HAP1: variants seen among roughly 807,000 people sequenced by gnomAD.
HAP1 encodes huntingtin-associated protein 1.
A neutral mutation model predicts 60.3 loss-of-function variants in HAP1; 59 were observed. The ratio of observed to expected loss-of-function variants is 0.98; its 90% CI spans 0.79 to 1.22. The LOEUF (loss-of-function observed/expected upper bound fraction) is 1.22. HAP1 is among the 50% of genes most tolerant of loss of function. The pLI, the probability that HAP1 is intolerant of heterozygous loss-of-function variation, is 0.00. For synonymous variants in HAP1, 346 were observed against 330.6 expected (o/e 1.05, Z -0.50); for missense variants, 825 against 785.3 (o/e 1.05, Z -0.60).
At position 41,723,687 on chromosome 17, in the gene HAP1, G is replaced by A. The variant is rs1349980589; in HGVS notation, c.*1014C>T. On this transcript the variant is annotated 3_prime_UTR_variant, in exon 11 of 11. Coordinates refer to ENST00000347901, the MANE Select transcript of HAP1 (RefSeq NM_177977.3). ...GGTTGCCCCCTGCATGCGCCATAAAGGTCATGGTTCAGTTTATAACCTGCA... is the reference window on the plus strand; with the variant it reads ...GGTTGCCCCCTGCATGCGCCATAAAAGTCATGGTTCAGTTTATAACCTGCA... 6.6e-6 allele frequency: 1 copy of A among 152,614 alleles called. No homozygotes were observed. Among genetic ancestry groups the A allele is most frequent in the Non-Finnish European group, 1.5e-5 (1 of 68,072 alleles). 9.5% of individuals were successfully genotyped at this position (152,614 alleles called of 1,614,324 possible). A position where few individuals can be genotyped will look rare whatever the true frequency, so the allele number is the denominator to read the frequency against.
At position 41,724,144 on chromosome 17, in the gene HAP1, C is replaced by T. The variant is rs555372927; in HGVS notation, c.*557G>A. 6.5e-6 allele frequency: 1 copy of T among 154,072 alleles called. No individual in the cohort carries two copies. The highest frequency in any genetic ancestry group is 1.9e-4 in the East Asian group (1 of 5,206). 9.5% of individuals were successfully genotyped at this position (154,072 alleles called of 1,614,324 possible). ...GCTGGGGAGAGGAGACCCTGTTCCA[C>T]CCCACAACCCTGCAGGAGGCCCTAG... is the stretch of plus-strand genomic sequence containing the variant. On this transcript the variant is annotated 3_prime_UTR_variant, in exon 11 of 11. Transcript: ENST00000347901.
rs1344047535 is a variant in HAP1 at position 41,734,627 on chromosome 17, G to A, written c.8C>T (p.Pro3Leu). Residue 3 changes from proline (P) to leucine (L), a missense_variant, in exon 1 of 11, where the codon CCG (proline) becomes CTG (leucine). Physicochemically the swap from Pro to Leu is moderately conservative, Grantham distance 98. Transcript: ENST00000347901. MR[P>L]KRLGRCCAGS... The stretch of plus-strand genomic sequence containing the variant: ...CGCGCAGCACCGGCCCAACCTCTTC[G>A]GGCGCATCTCGAGTCTGCCGTCCGC... 10 of 1,513,618 alleles carry A rather than the reference G, an allele frequency of 6.6e-6. No homozygotes were observed. The highest frequency in any genetic ancestry group is 1.9e-4 in the Middle Eastern group (1 of 5,346). The allele number at this position is 1,513,618 out of a possible 1,614,324, so 93.8% of individuals were successfully genotyped here. A position where few individuals can be genotyped will look rare whatever the true frequency, so the allele number is the denominator to read the frequency against.
rs886611718 is a variant in HAP1 at position 41,729,141 on chromosome 17, A to G, written c.1070-810T>C. 9.4e-5 allele frequency among the ~76,000 whole-genome samples: 14 copies of G among 149,706 alleles called. 1 individual carries two copies. The highest frequency in any genetic ancestry group is 1.3e-4 in the Non-Finnish European group (9 of 67,474). On this transcript the variant is annotated intron_variant, in intron 6 of 10. Transcript: ENST00000347901. ...TTTTTAGTAGAGACGGGGTTTCACC[A>G]TGTTGGCCAGGCTGGTCTCAAACTC... is the stretch of plus-strand genomic sequence containing the variant.
chr17:41,719,552 GC>G (rs140445946), downstream of HAP1, among the ~76,000 whole-genome samples: 504 of 152,178 alleles, frequency 3.3e-3, 6 homozygotes, highest in African/African-American at 0.012. Context: ...AATTAGCTGG[GC>G]ATGGTGTTAT....
downstream of HAP1, among the ~76,000 whole-genome samples, chr17:41,720,187 CTTTATTTA>C (rs377480642): frequency 2.0e-5 from 3 of 150,404 alleles, no homozygotes; most frequent in African/African-American, 7.4e-5. Flanking sequence ...CCGCGCCCAG[CTTTATTTA>C]TTTATTTATT....
At position 41,734,206 on chromosome 17, in the gene HAP1, G is replaced by A. The variant is rs1302953112; in HGVS notation, c.429C>T (p.Ser143=). 19 of 1,595,760 alleles carry A rather than the reference G, an allele frequency of 1.2e-5. No homozygotes were observed. The highest frequency in any genetic ancestry group is 1.7e-6 in the Non-Finnish European group (2 of 1,166,830). The change falls in exon 1 of 11, where the codon TCC becomes TCT. Residue 143 remains serine, a synonymous_variant. Coordinates refer to ENST00000347901, the MANE Select transcript of HAP1 (RefSeq NM_177977.3). The part of the protein sequence containing the change: ...AAYVGRRPGV[S]GPERAAFIRE... The stretch of plus-strand genomic sequence containing the variant: ...GAATAAAGGCGGCGCGCTCAGGGCC[G>A]GACACCCCGGGTCGCCGGCCAACGT...
At position 41,730,031 on chromosome 17, in the gene HAP1, AAG is replaced by A. The variant is rs369845518; in HGVS notation, c.1069+1460_1069+1461del. On this transcript the variant is annotated intron_variant, in intron 6 of 10. Coordinates refer to ENST00000347901, the MANE Select transcript of HAP1 (RefSeq NM_177977.3). Reference sequence around the variant, plus strand: ...TCCATCTCAAAAAAAAAAAGAAAGAAAGAGAGAGAGAGAGAGAGAGAGAAGGA... The same window carrying A: ...TCCATCTCAAAAAAAAAAAGAAAGAAAGAGAGAGAGAGAGAGAGAGAAGGA... 1.7e-3 allele frequency: 36 copies of A among 21,414 alleles called. 5 individuals carry two copies. Among genetic ancestry groups the A allele is most frequent in the East Asian group, 4.2e-3 (2 of 480 alleles). 1.3% of individuals were successfully genotyped at this position (21,414 alleles called of 1,614,324 possible).
At chr17:41,727,866 A>T in intron 7 of HAP1, 30 bp from the exon 8 acceptor site, 1 of 1,380,024 alleles carries the variant, frequency 7.2e-7, no homozygotes, top group Non-Finnish European at 1.0e-6. Context: ...GTGAACCCCC[A>T]TCTGAGGCCT....
chr17:41,725,209 C>T, intron 10 of HAP1, 55 bp from the exon 11 acceptor site: 1 of 1,380,926 alleles, frequency 7.2e-7, no homozygotes, highest in Non-Finnish European at 9.9e-7. Context: ...ACCCCCCAGG[C>T]CCACCCCCAC....
Position 41,724,385 on chromosome 17 carries a change from A to G in HAP1, c.*316T>C. 1 of 191,310 alleles carries G rather than the reference A, an allele frequency of 5.2e-6. No homozygotes were observed. 11.9% of individuals were successfully genotyped at this position (191,310 alleles called of 1,614,324 possible). On this transcript the variant is annotated 3_prime_UTR_variant, in exon 11 of 11. Coordinates refer to ENST00000347901, the MANE Select transcript of HAP1 (RefSeq NM_177977.3). ...TTTTGACTGCTGCTGCCACTGCTGC[A>G]GAGTTGGAGAGCCTGGGGGATAGAG... is the stretch of plus-strand genomic sequence containing the variant.
rs781991361 is a variant in HAP1 at position 41,734,152 on chromosome 17, G to C, written c.469+14C>G. ...AGTCCCCACCCGGTCCAGGACCCCG[G>C]GGGCCCGATTTACCTTCCTCCAGCT... is the stretch of plus-strand genomic sequence containing the variant. On this transcript the variant is annotated intron_variant, in intron 1 of 10. Coordinates refer to ENST00000347901, the MANE Select transcript of HAP1 (RefSeq NM_177977.3). 1.3e-6 allele frequency: 2 copies of C among 1,562,232 alleles called. No homozygotes were observed. Among genetic ancestry groups the C allele is most frequent in the Non-Finnish European group, 1.7e-6 (2 of 1,149,854 alleles).
chr17:41,729,132 G>A (rs1258486926), intron 6 of HAP1, among the ~76,000 whole-genome samples: 1 of 151,284 alleles, frequency 6.6e-6, no homozygotes, highest in East Asian at 2.0e-4. Context: ...GTAGAGACGG[G>A]GTTTCACCAT....
rs1555591463 is a variant in HAP1, at chr17:41,732,770, G to A, written c.498C>T (p.Val166=). The change falls in exon 2 of 11, where the codon GTC becomes GTT. Residue 166 remains valine, a synonymous_variant. Transcript: ENST00000347901. ...EALCPNLPPP[V]KKITQEDVKV... ...TGACGTCTTCCTGGGTGATCTTTTT[G>A]ACTGGCGGAGGTAGGTTAGGACACA... 2 of 1,612,652 alleles carry A rather than the reference G, an allele frequency of 1.2e-6. No individual in the cohort carries two copies. Among genetic ancestry groups the A allele is most frequent in the South Asian group, 2.2e-5 (2 of 91,044 alleles).
At chr17:41,731,166 C>A (rs370009115) in intron 6 of HAP1, among the ~76,000 whole-genome samples, 1 of 152,152 alleles carries the variant, frequency 6.6e-6, no homozygotes, top group East Asian at 1.9e-4. Flanking sequence ...CGGCCTCAGC[C>A]TCCCAAACTG....
chr17:41,719,557 G>A (rs1325039625), downstream of HAP1, among the ~76,000 whole-genome samples: 2 of 152,044 alleles, frequency 1.3e-5, no homozygotes, highest in African/African-American at 2.4e-5. Flanking sequence ...GCTGGGCATG[G>A]TGTTATGCAT....
intron 3 of HAP1, 39 bp downstream of exon 3, chr17:41,732,191 G>A (rs1216185717): frequency 3.1e-6 from 5 of 1,610,692 alleles, no homozygotes; most frequent in Admixed American, 1.7e-5. Flanking sequence ...TGAGGCAGGT[G>A]TAGATTGGCC....
chr17:41,732,818 G>A lies in HAP1; in HGVS notation c.470-20C>T, dbSNP rs1555591484. The A allele has an allele frequency of 4.9e-6, 7 of 1,433,334 alleles. No homozygotes were observed. Among genetic ancestry groups the A allele is most frequent in the Non-Finnish European group, 5.9e-6 (6 of 1,015,586 alleles). 88.8% of individuals were successfully genotyped at this position (1,433,334 alleles called of 1,614,324 possible). A position where few individuals can be genotyped will look rare whatever the true frequency, so the allele number is the denominator to read the frequency against. On this transcript the variant is annotated intron_variant, in intron 1 of 10. Transcript: ENST00000347901. The stretch of plus-strand genomic sequence containing the variant: ...ACAGTGCTGCAGGAGGCGGCAGGTG[G>A]GGAGAAAAGGCCCAGCCAGGTCAGG...
chr17:41,728,435 T>TGTGCC, intron 6 of HAP1, 104 bp from the exon 7 acceptor site: 1 of 999,168 alleles, frequency 1.0e-6, no homozygotes, highest in South Asian at 1.6e-5. Flanking sequence ...GCTGCTGCGC[T>TGTGCC]GTGCCAGTGG....
Position 41,734,600 on chromosome 17 carries a change from C to A in HAP1, c.35G>T (p.Gly12Val). The stretch of plus-strand genomic sequence containing the variant: ...TGGGTCCCCGGGTCCGAGCCGGCTC[C>A]CCGCGCAGCACCGGCCCAACCTCTT... Reference protein sequence around the residue: ...RPKRLGRCCAGSRLGPGDPAA... With the variant: ...RPKRLGRCCAVSRLGPGDPAA... Residue 12 changes from glycine (G) to valine (V), a missense_variant, in exon 1 of 11, where the codon GGG (glycine) becomes GTG (valine). Gly to Val is a moderately radical substitution (Grantham distance 109, BLOSUM62 -3). Transcript: ENST00000347901. 4 of 1,571,774 alleles carry A rather than the reference C, an allele frequency of 2.5e-6. No homozygotes were observed. The highest frequency in any genetic ancestry group is 3.4e-6 in the Non-Finnish European group (4 of 1,160,348).
Sources: gnomAD v4.1 joint callset for allele counts (sites outside exome capture counted in the v4.1 genomes callset) on GRCh38, gnomAD v4.1.1 for gene constraint, MANE v1.5 for transcripts, NCBI Gene and HGNC (gene_info 2026-07-23, HGNC 2026-07-21) for gene names.